Variants in ZNF365 observed in about 807,000 individuals in gnomAD.
ZNF365 encodes the protein protein ZNF365.
Under a neutral mutation model 35.0 loss-of-function variants are expected in ZNF365, and 22 were observed. That is an observed-to-expected ratio of 0.63 (90% CI 0.45 to 0.90). The LOEUF (loss-of-function observed/expected upper bound fraction) is 0.90. ZNF365 is among the 40% of genes least tolerant of loss of function. The pLI is 0.00. For synonymous variants in ZNF365, 188 were observed against 196.2 expected (o/e 0.96, Z 0.35); for missense variants, 448 against 500.3 (o/e 0.90, Z 1.00).
chr10:62,404,872 G>A (rs1839882275), downstream of ZNF365, among the ~76,000 whole-genome samples: 1 of 152,078 alleles, frequency 6.6e-6, no homozygotes, highest in African/African-American at 2.4e-5. Flanking sequence ...TCACTGACTT[G>A]GGCTTTGCAA....
At chr10:62,459,078 T>A (rs998280504) in intron 3 of ZNF365, among the ~76,000 whole-genome samples, 1 of 152,258 alleles carries the variant, frequency 6.6e-6, no homozygotes, top group African/African-American at 2.4e-5. Context: ...GTACTATGTA[T>A]ACATTTACTG....
chr10:62,447,382 T>C (rs1840607420), intron 3 of ZNF365, among the ~76,000 whole-genome samples: 1 of 152,224 alleles, frequency 6.6e-6, no homozygotes, highest in Non-Finnish European at 1.5e-5. Flanking sequence ...TGCTTCACTC[T>C]TAAACCAGGA....
In ZNF365 at chr10:62,399,600, C is replaced by T. The variant is rs1406859070; in HGVS notation, c.1035C>T (p.Asn345=). 2 of 1,614,146 alleles carry T rather than the reference C, an allele frequency of 1.2e-6. No individual in the cohort carries two copies. Among genetic ancestry groups the T allele is most frequent in the Non-Finnish European group, 1.7e-6 (2 of 1,180,040 alleles). The change falls in exon 5 of 5, where the codon AAC becomes AAT. Residue 345 remains asparagine (N), a synonymous_variant. Transcript: ENST00000395254. ...LKAHFHPKGR[N]HLKKAKDDRA... is the part of the protein sequence containing the mutation. ...CCCATTTCCACCCAAAGGGAAGGAA[C>T]CACCTGAAAAAGGCCAAGGATGACA...
chr10:62,456,529 GA>G (rs979236318), intron 3 of ZNF365, among the ~76,000 whole-genome samples: 2 of 152,012 alleles, frequency 1.3e-5, no homozygotes, highest in African/African-American at 4.8e-5. Flanking sequence ...AAGTTGGATA[GA>G]AAAAGCCAAA....
chr10:62,388,616 G>A (rs754614222), intron 3 of ZNF365, 40 bp downstream of exon 3: 28 of 1,607,416 alleles, frequency 1.7e-5, no homozygotes, highest in Non-Finnish European at 2.4e-5. Context: ...TAAGATCCCT[G>A]TGGTTGGTGA....
At chr10:62,467,945 A>G (rs1190428128) in intron 4 of ZNF365, among the ~76,000 whole-genome samples, 1 of 152,182 alleles carries the variant, frequency 6.6e-6, no homozygotes, top group East Asian at 1.9e-4. Flanking sequence ...ATATAAGCTC[A>G]GGAGCAGAAT....
At chr10:62,435,757 T>C (rs1397644914) in intron 3 of ZNF365, among the ~76,000 whole-genome samples, 1 of 152,312 alleles carries the variant, frequency 6.6e-6, no homozygotes, top group East Asian at 1.9e-4. Flanking sequence ...CTTCTGGCAA[T>C]GCCTAAATTC....
chr10:62,403,436 A>T (rs1839860910), downstream of ZNF365, among the ~76,000 whole-genome samples: 1 of 152,170 alleles, frequency 6.6e-6, no homozygotes, highest in African/African-American at 2.4e-5. Flanking sequence ...AGGCGGGCGG[A>T]TCACGAGGTC....
At position 62,452,422 on chromosome 10, in the gene ZNF365, G is replaced by C. The variant is rs138148358; in HGVS notation, c.925-7319G>C. On this transcript the variant is annotated intron_variant, in intron 3 of 4. Transcript: ENST00000395255. ...ACCGCACATTTTATGGTTAACTGGA[G>C]AACAGATCGTGTTCTCTAGAATCTT... is the stretch of plus-strand genomic sequence containing the variant. Among the ~76,000 whole-genome samples, 882 of 152,316 alleles carry C rather than the reference G, an allele frequency of 5.8e-3. 7 individuals are homozygous for C. The highest frequency in any genetic ancestry group is 0.02 in the African/African-American group (844 of 41,566).
chr10:62,449,637 G>A (rs1335750404), intron 3 of ZNF365, among the ~76,000 whole-genome samples: 1 of 152,090 alleles, frequency 6.6e-6, no homozygotes, highest in Non-Finnish European at 1.5e-5. Flanking sequence ...TCTCTATAAA[G>A]GATGGACATT....
rs1839814746 is a variant in ZNF365, at chr10:62,400,744, T to A, written c.*955T>A. On this transcript the variant is annotated 3_prime_UTR_variant, in exon 5 of 5. Coordinates refer to ENST00000395254, the MANE Select transcript of ZNF365 (RefSeq NM_014951.3). ...TCAGTGGCCCTCTCTCTCTCTGCTA[T>A]GGGCATGACTTTCTCTTCGCTGGCT... is the stretch of plus-strand genomic sequence containing the variant. 1 of 985,578 alleles carries A rather than the reference T, an allele frequency of 1.0e-6. No individual in the cohort carries two copies. Among genetic ancestry groups the A allele is most frequent in the Non-Finnish European group, 1.2e-6 (1 of 830,038 alleles). The allele number at this position is 985,578 out of a possible 1,614,324, so 61.1% of individuals were successfully genotyped here.
chr10:62,441,194 G>A (rs1365518873), intron 3 of ZNF365, among the ~76,000 whole-genome samples: 1 of 152,020 alleles, frequency 6.6e-6, no homozygotes, highest in African/African-American at 2.4e-5. Context: ...CTTGGCTAAG[G>A]TCATACAGCC....
Position 62,400,249 on chromosome 10 carries a change from G to A in ZNF365, c.*460G>A, listed in dbSNP as rs971732452. On this transcript the variant is annotated 3_prime_UTR_variant, in exon 5 of 5. Transcript: ENST00000395254. Reference sequence around the variant, plus strand: ...CAGTAAAATGAAAATATTTGTGTTTGTGTATAACCTTCCCCTCAGCTAATT... The same window carrying A: ...CAGTAAAATGAAAATATTTGTGTTTATGTATAACCTTCCCCTCAGCTAATT... 85 of 988,426 alleles carry A rather than the reference G, an allele frequency of 8.6e-5. No homozygotes were observed. Among genetic ancestry groups the A allele is most frequent in the Non-Finnish European group, 1.0e-4 (84 of 831,588 alleles). The allele number at this position is 988,426 out of a possible 1,614,324, so 61.2% of individuals were successfully genotyped here.
intron 4 of ZNF365, among the ~76,000 whole-genome samples, chr10:62,474,822 G>A (rs1012711303): frequency 3.5e-4 from 54 of 152,236 alleles, no homozygotes; most frequent in African/African-American, 1.3e-3. Context: ...GCCTTCTGGA[G>A]TTCACAGTGG....
chr10:62,376,949 GAC>G lies in ZNF365; in HGVS notation c.743+15_743+16del, dbSNP rs778585985. ...TTAGGAAAGAAGAGTAAGTGTTGCT[GAC>G]AGGGGATGCTAACCCCATTGCTTTA... On this transcript the variant is annotated intron_variant, in intron 2 of 4. Transcript: ENST00000395254. The G allele has an allele frequency of 8.8e-6, 14 of 1,589,112 alleles. No homozygotes were observed. Among genetic ancestry groups the G allele is most frequent in the South Asian group, 7.8e-5 (7 of 89,648 alleles).
chr10:62,388,570 G>A lies in ZNF365; in HGVS notation c.918G>A (p.Gly306=), dbSNP rs774619216. ...CTGGCTTTGTCCGTGATCTCAGCGGGCACGTGGTGAGTCACCCCGGGCCAG... is the reference window on the plus strand; with the variant it reads ...CTGGCTTTGTCCGTGATCTCAGCGGACACGTGGTGAGTCACCCCGGGCCAG... The part of the protein sequence containing the change: ...QASGFVRDLS[G]HVLTDISSNR... The change falls in exon 3 of 5, where the codon GGG becomes GGA. Residue 306 remains glycine, a synonymous_variant. Transcript: ENST00000395254. 5 of 1,613,756 alleles carry A rather than the reference G, an allele frequency of 3.1e-6. No homozygotes were observed. In the South Asian group the frequency reaches 5.5e-5, roughly 18 times the overall value.
intron 3 of ZNF365, among the ~76,000 whole-genome samples, chr10:62,423,936 A>G (rs1451689629): frequency 6.6e-6 from 1 of 152,212 alleles, no homozygotes; most frequent in Non-Finnish European, 1.5e-5. Flanking sequence ...AATGCAATGA[A>G]GTTTATGGAG....
At chr10:62,444,924 C>G (rs987017718) in intron 3 of ZNF365, among the ~76,000 whole-genome samples, 5 of 151,978 alleles carry the variant, frequency 3.3e-5, no homozygotes, top group Admixed American at 1.3e-4. Context: ...ATCCCTCCCC[C>G]CTCTCCCCAC....
intron 4 of ZNF365, among the ~76,000 whole-genome samples, chr10:62,475,013 A>G (rs1048646673): frequency 6.6e-6 from 1 of 152,186 alleles, no homozygotes; most frequent in Admixed American, 6.5e-5. Flanking sequence ...CTCTTGGGCT[A>G]TGCACCTGAC....
Sources: gnomAD v4.1 joint callset for allele counts (sites outside exome capture counted in the v4.1 genomes callset) on GRCh38, gnomAD v4.1.1 for gene constraint, MANE v1.5 for transcripts, NCBI Gene and HGNC (gene_info 2026-07-23, HGNC 2026-07-21) for gene names.